Variants in USP49 observed in about 807,000 individuals in gnomAD.
USP49 encodes the protein ubiquitin specific peptidase 49, also known as ubiquitin carboxyl-terminal hydrolase 49.
In USP49, 24 loss-of-function variants were observed where a neutral mutation model predicts 58.6. The observed-to-expected ratio is 0.41, with a 90% CI of 0.30 to 0.58. The LOEUF (loss-of-function observed/expected upper bound fraction) is 0.58, where lower values mean the gene tolerates loss of function less well. Among genes scored for constraint, USP49 ranks in the 20% least tolerant of loss-of-function variants. The probability of loss-of-function intolerance (pLI) is 0.30; values close to 1 mark genes in which losing one functional copy is unlikely to be tolerated. For synonymous variants in USP49, 408 were observed against 365.1 expected (o/e 1.12, Z -1.34); for missense variants, 703 against 866.1 (o/e 0.81, Z 2.36).
chr6:41,863,361 T>TC (rs1450743419), intron 3 of USP49, among the ~76,000 whole-genome samples: 2 of 152,158 alleles, frequency 1.3e-5, no homozygotes, highest in African/African-American at 4.8e-5. Flanking sequence ...CTAGTCACCC[T>TC]CCCCATTTCC....
chr6:41,841,718 T>C (rs1773830830), intron 3 of USP49, among the ~76,000 whole-genome samples: 3 of 152,056 alleles, frequency 2.0e-5, no homozygotes, highest in Admixed American at 1.3e-4. Flanking sequence ...TTCAGATGAG[T>C]AGATTAGTCA....
intron 3 of USP49, among the ~76,000 whole-genome samples, chr6:41,818,663 C>T (rs1773400413): frequency 6.6e-6 from 1 of 152,170 alleles, no homozygotes; most frequent in Non-Finnish European, 1.5e-5. Flanking sequence ...CAGCTCTGTC[C>T]GCACCTTGGT....
intron 3 of USP49, among the ~76,000 whole-genome samples, chr6:41,815,545 G>A (rs937641578): frequency 6.6e-6 from 1 of 152,132 alleles, no homozygotes; most frequent in Admixed American, 6.6e-5. Flanking sequence ...GTCCTCACAG[G>A]CTGCTGCATT....
intron 3 of USP49, among the ~76,000 whole-genome samples, chr6:41,823,964 TCA>T (rs1773494634): frequency 6.6e-6 from 1 of 152,134 alleles, no homozygotes; most frequent in Non-Finnish European, 1.5e-5. Context: ...ACTATAAGCC[TCA>T]GTTTCTTACT....
intron 2 of USP49, among the ~76,000 whole-genome samples, chr6:41,881,194 A>C (rs1454812882): frequency 6.7e-6 from 1 of 148,892 alleles, no homozygotes; most frequent in Non-Finnish European, 1.5e-5. Context: ...GGCCTCCCAA[A>C]GTGCTGAGAT....
At chr6:41,879,058 A>T (rs1406063715) in intron 2 of USP49, among the ~76,000 whole-genome samples, 2 of 152,214 alleles carry the variant, frequency 1.3e-5, no homozygotes, top group African/African-American at 2.4e-5. Flanking sequence ...GAAGTTACTC[A>T]ACTATGAATC....
At chr6:41,808,544 G>T (rs1403519489) in intron 3 of USP49, among the ~76,000 whole-genome samples, 4 of 151,734 alleles carry the variant, frequency 2.6e-5, no homozygotes, top group Non-Finnish European at 5.9e-5. Flanking sequence ...CGAGTAGCTG[G>T]GACTAAAGGC....
intron 3 of USP49, among the ~76,000 whole-genome samples, chr6:41,846,979 G>C (rs560226374): frequency 2.0e-5 from 3 of 152,212 alleles, no homozygotes; most frequent in Non-Finnish European, 4.4e-5. Flanking sequence ...ACATCAGGGG[G>C]AGCAAGAGGT....
intron 3 of USP49, among the ~76,000 whole-genome samples, chr6:41,865,342 GCCCT>G (rs990523698): frequency 5.3e-5 from 8 of 152,140 alleles, no homozygotes; most frequent in Non-Finnish European, 1.0e-4. Flanking sequence ...ACAGCACCCA[GCCCT>G]CATTTTCTTT....
chr6:41,852,521 G>A (rs1435278534), intron 3 of USP49, among the ~76,000 whole-genome samples: 2 of 152,136 alleles, frequency 1.3e-5, no homozygotes, highest in Non-Finnish European at 2.9e-5. Context: ...GAATAAAACT[G>A]AGCAAGTGAA....
chr6:41,880,258 G>A (rs1774580747), intron 2 of USP49, among the ~76,000 whole-genome samples: 2 of 151,966 alleles, frequency 1.3e-5, no homozygotes, highest in African/African-American at 4.8e-5. Flanking sequence ...CAAAAAGATG[G>A]GAAATAGGAA....
chr6:41,808,995 C>G (rs1773194943), intron 3 of USP49, among the ~76,000 whole-genome samples: 1 of 151,802 alleles, frequency 6.6e-6, no homozygotes, highest in Non-Finnish European at 1.5e-5. Flanking sequence ...CTCACTGCAG[C>G]CACCACTTCC....
intron 2 of USP49, among the ~76,000 whole-genome samples, chr6:41,884,498 T>C (rs574990803): frequency 1.3e-5 from 2 of 152,324 alleles, no homozygotes; most frequent in South Asian, 2.1e-4. Context: ...TTTACAAAGA[T>C]GCACATAGAA....
Position 41,831,083 on chromosome 6 carries a change from C to T in USP49, c.-28-24072G>A, listed in dbSNP as rs570384155. ...ACCAGCCTGGCTAACATGGTGAAAC[C>T]CCGTTTCTACTAAAAATACAAAAAA... On this transcript the variant is annotated intron_variant, in intron 3 of 7. Transcript: ENST00000682992. Among the ~76,000 whole-genome samples, 8 of 152,098 alleles carry T rather than the reference C, an allele frequency of 5.3e-5. No homozygotes were observed. The East Asian group carries it at 1.6e-3, about 29-fold the overall frequency.
Position 41,806,192 on chromosome 6 carries a change from C to G in USP49, c.792G>C (p.Met264Ile), listed in dbSNP as rs773315318. The stretch of plus-strand genomic sequence containing the variant: ...GGCTGAGCACCTGGAGGATGGAGTT[C>G]ATGTAGCAGGTGTTGCCCAGGTTGC... Reference protein sequence around the residue: ...GLRNLGNTCYMNSILQVLSHL... With the variant: ...GLRNLGNTCYINSILQVLSHL... The change falls in exon 4 of 8, where the codon ATG (methionine) becomes ATC (isoleucine). Residue 264 changes from methionine to isoleucine, a missense_variant. Around this residue, in one of 6 missense-constraint regions of USP49, gnomAD observed 5 missense variants for 27.8 expected, o/e 0.18. Transcript: ENST00000682992. This position sits in a 1 kb window ranked among gnomAD's most constrained non-coding sequence, Gnocchi z 5.9. The G allele has an allele frequency of 5.0e-6, 8 of 1,613,032 alleles. No homozygotes were observed. Among genetic ancestry groups the G allele is most frequent in the Non-Finnish European group, 6.8e-6 (8 of 1,180,028 alleles).
intron 2 of USP49, among the ~76,000 whole-genome samples, chr6:41,886,903 A>C (rs1482758147): frequency 6.6e-6 from 1 of 152,200 alleles, no homozygotes; most frequent in Non-Finnish European, 1.5e-5. Flanking sequence ...TATCTCAAAA[A>C]AAGTTGATAA....
Position 41,798,931 on chromosome 6 carries a change from T to A in USP49, c.1671-2A>T. On this transcript the variant is annotated splice_acceptor_variant, in intron 6 of 7. Coordinates refer to ENST00000682992, the MANE Select transcript of USP49 (RefSeq NM_001286554.2). LOFTEE classifies it high-confidence loss of function. ...TCTCGATGATTACGGCCAGACCACC[T>A]AGAACATGGATATAAGCTTGTTACT... The A allele has an allele frequency of 3.1e-6, 5 of 1,604,464 alleles. No individual in the cohort carries two copies. Among genetic ancestry groups the A allele is most frequent in the Non-Finnish European group, 4.3e-6 (5 of 1,174,580 alleles).
chr6:41,852,248 C>G (rs773795763), intron 3 of USP49, among the ~76,000 whole-genome samples: 18 of 152,040 alleles, frequency 1.2e-4, no homozygotes, highest in Non-Finnish European at 2.5e-4. Context: ...TTACTTGAAC[C>G]CAGGAGGCGG....
intron 3 of USP49, among the ~76,000 whole-genome samples, chr6:41,850,689 C>T (rs1774011937): frequency 6.6e-6 from 1 of 150,962 alleles, no homozygotes; most frequent in African/African-American, 2.4e-5. Flanking sequence ...ACTGCAACCT[C>T]CGCCTCCTGG....
Sources: allele counts gnomAD v4.1 joint callset (sites outside exome capture counted in the v4.1 genomes callset), GRCh38; gene constraint gnomAD v4.1.1; regional missense constraint gnomAD v4.1.1; non-coding constraint Gnocchi (gnomAD v3.1); transcripts MANE v1.5; gene names NCBI Gene and HGNC (gene_info 2026-07-23, HGNC 2026-07-21).